Variants in LRRC37A2 observed in about 807,000 individuals in gnomAD.
The protein encoded by LRRC37A2 is leucine rich repeat containing 37 member A2.
In LRRC37A2, 9 loss-of-function variants were observed where a neutral mutation model predicts 68.8. The ratio of observed to expected loss-of-function variants is 0.13; its 90% CI spans 0.08 to 0.23. The LOEUF (loss-of-function observed/expected upper bound fraction) is 0.23. Among genes scored for constraint, LRRC37A2 ranks in the 10% least tolerant of loss-of-function variants. LRRC37A2 has a pLI of 1.00. For synonymous variants in LRRC37A2, 63 were observed against 367.6 expected (o/e 0.17, Z 9.48); for missense variants, 168 against 950.4 (o/e 0.18, Z 10.82).
the LRRC37A2 span, among the ~76,000 whole-genome samples, chr17:46,719,692 G>A: frequency 6.6e-6 from 1 of 151,818 alleles, no homozygotes. This position sits in a 1 kb window ranked among gnomAD's most constrained non-coding sequence, Gnocchi z 4.3. Context: ...ATCCATTTTT[G>A]CATCAATACT....
chr17:46,978,544 C>T, the LRRC37A2 span: 19 of 1,421,400 alleles, frequency 1.3e-5, no homozygotes, highest in South Asian at 1.6e-4. Context: ...CACGTAGCTG[C>T]CCGCCCGGAG....
chr17:46,968,347 C>T, the LRRC37A2 span, among the ~76,000 whole-genome samples: 8 of 152,358 alleles, frequency 5.3e-5, no homozygotes, highest in East Asian at 1.5e-3. Context: ...AATGTCCCAA[C>T]TCTGTCTCTC....
chr17:46,902,103 G>C, the LRRC37A2 span, among the ~76,000 whole-genome samples: 2 of 152,156 alleles, frequency 1.3e-5, no homozygotes, highest in African/African-American at 4.8e-5. Flanking sequence ...CCACGGCACT[G>C]GGCCGCAAGA....
the LRRC37A2 span, among the ~76,000 whole-genome samples, chr17:47,000,039 A>T: frequency 0.051 from 1,320 of 25,776 alleles, 131 homozygotes; most frequent in African/African-American, 0.09. Flanking sequence ...AAAATAAAAT[A>T]AAATAAAATA....
At chr17:46,676,345 G>A in the LRRC37A2 span, among the ~76,000 whole-genome samples, 2 of 134,332 alleles carry the variant, frequency 1.5e-5, no homozygotes, top group Non-Finnish European at 3.1e-5. Flanking sequence ...CAATTCTCCT[G>A]CCTCAGCCTC....
the LRRC37A2 span, among the ~76,000 whole-genome samples, chr17:46,679,647 G>T: frequency 0.013 from 1,872 of 141,866 alleles, 15 homozygotes; most frequent in Admixed American, 0.019. Flanking sequence ...AGCCAAGATC[G>T]TGCCACTGGA....
chr17:46,725,694 G>A, the LRRC37A2 span, among the ~76,000 whole-genome samples: 1 of 152,142 alleles, frequency 6.6e-6, no homozygotes, highest in African/African-American at 2.4e-5. Context: ...CAAGCAAGAT[G>A]TTGGTGCGGG....
At chr17:46,862,267 T>A in the LRRC37A2 span, among the ~76,000 whole-genome samples, 1 of 151,758 alleles carries the variant, frequency 6.6e-6, no homozygotes, top group Non-Finnish European at 1.5e-5. Flanking sequence ...ATTAAAAAAT[T>A]AAAAGTACAG....
chr17:47,019,258 C>T, the LRRC37A2 span: 1 of 1,572,348 alleles, frequency 6.4e-7, no homozygotes, highest in Non-Finnish European at 8.7e-7. Flanking sequence ...CTGATGACTA[C>T]AGCTCCTCCT....
At chr17:46,940,184 C>A in the LRRC37A2 span, 1 of 1,371,366 alleles carries the variant, frequency 7.3e-7, no homozygotes. Flanking sequence ...TGTGGCATAG[C>A]TCCCCTTTGG....
chr17:46,845,322 G>C, the LRRC37A2 span, among the ~76,000 whole-genome samples: 1 of 152,104 alleles, frequency 6.6e-6, no homozygotes, highest in South Asian at 2.1e-4. Context: ...CCATCTCCTA[G>C]TCTCTAGGTC....
the LRRC37A2 span, among the ~76,000 whole-genome samples, chr17:46,776,209 A>G: frequency 6.6e-6 from 1 of 152,136 alleles, no homozygotes; most frequent in African/African-American, 2.4e-5. Flanking sequence ...CTGGGTCTTC[A>G]TGGGGTGAAG....
the LRRC37A2 span, among the ~76,000 whole-genome samples, chr17:46,492,856 G>A: frequency 6.6e-6 from 1 of 150,418 alleles, no homozygotes; most frequent in Admixed American, 6.6e-5. Context: ...ACCACGCCCG[G>A]CTAATTTTTT....
At chr17:46,772,400 G>T in the LRRC37A2 span, among the ~76,000 whole-genome samples, 2 of 152,220 alleles carry the variant, frequency 1.3e-5, no homozygotes, top group African/African-American at 4.8e-5. Context: ...GGCCGGAGAC[G>T]GGAAGAGCGA....
chr17:46,785,717 A>C, the LRRC37A2 span, among the ~76,000 whole-genome samples: 2 of 152,194 alleles, frequency 1.3e-5, no homozygotes, highest in Non-Finnish European at 2.9e-5. Flanking sequence ...GGGAGAAGGA[A>C]AGGGTGCGGG....
chr17:46,730,008 G>A, the LRRC37A2 span, among the ~76,000 whole-genome samples: 5 of 152,116 alleles, frequency 3.3e-5, no homozygotes, highest in African/African-American at 1.2e-4. Context: ...TACTAAGGGT[G>A]AAGTTAGAGA....
chr17:46,771,497 G>A, the LRRC37A2 span, among the ~76,000 whole-genome samples: 1 of 149,476 alleles, frequency 6.7e-6, no homozygotes, highest in Non-Finnish European at 1.5e-5. Flanking sequence ...GGAACGCGGG[G>A]GCGGCGGGGG....
At chr17:46,892,535 G>A in the LRRC37A2 span, among the ~76,000 whole-genome samples, 1 of 152,126 alleles carries the variant, frequency 6.6e-6, no homozygotes, top group Non-Finnish European at 1.5e-5. Flanking sequence ...TCCACCATCG[G>A]ACTGATTTTC....
At chr17:46,876,375 C>G in the LRRC37A2 span, 4 of 1,613,874 alleles carry the variant, frequency 2.5e-6, no homozygotes, top group Admixed American at 6.7e-5. Flanking sequence ...CGCTATGACT[C>G]GGCTGTCAAG....
Sources: allele counts gnomAD v4.1 joint callset (sites outside exome capture counted in the v4.1 genomes callset), GRCh38; gene constraint gnomAD v4.1.1; non-coding constraint Gnocchi (gnomAD v3.1); transcripts MANE v1.5; gene names NCBI Gene and HGNC (gene_info 2026-07-23, HGNC 2026-07-21).